Variants in RAP1GDS1 observed in about 807,000 individuals in gnomAD.
The protein encoded by RAP1GDS1 is RAP1, GTP-GDP dissociation stimulator 1.
In RAP1GDS1, 35 loss-of-function variants were observed where a neutral mutation model predicts 71.1. The ratio of observed to expected loss-of-function variants is 0.49; its 90% CI spans 0.38 to 0.65. The LOEUF is 0.65. Among genes scored for constraint, RAP1GDS1 ranks in the 30% least tolerant of loss-of-function variants. The pLI, the probability that RAP1GDS1 is intolerant of heterozygous loss-of-function variation, is 0.00. For missense variants in RAP1GDS1, 663 were observed against 706.1 expected, an observed-to-expected ratio of 0.94 and a Z score of 0.69; for synonymous variants, 229 against 243.1, an observed-to-expected ratio of 0.94 and a Z score of 0.54.
chr4:98,346,149 A>G (rs1736213208), intron 3 of RAP1GDS1, among the ~76,000 whole-genome samples: 1 of 152,190 alleles, frequency 6.6e-6, no homozygotes, highest in South Asian at 2.1e-4. Context: ...CTTGAGAACC[A>G]CGTTTCAGTA....
chr4:98,409,534 T>C (rs1578778161), intron 7 of RAP1GDS1: 2 of 164,348 alleles, frequency 1.2e-5, no homozygotes, highest in Non-Finnish European at 2.6e-5. Context: ...GCAAGATTGT[T>C]GCCAAAATAA....
chr4:98,327,176 G>A (rs1437518145), intron 2 of RAP1GDS1, among the ~76,000 whole-genome samples: 1 of 152,088 alleles, frequency 6.6e-6, no homozygotes, highest in East Asian at 1.9e-4. Flanking sequence ...AGTACAGTAA[G>A]CATATTGTTG....
chr4:98,376,256 A>G (rs1267144109), intron 4 of RAP1GDS1, among the ~76,000 whole-genome samples: 1 of 152,120 alleles, frequency 6.6e-6, no homozygotes, highest in Non-Finnish European at 1.5e-5. Context: ...AGGATGCTTC[A>G]TAGGTTAGCT....
intron 2 of RAP1GDS1, among the ~76,000 whole-genome samples, chr4:98,325,864 T>C (rs932026055): frequency 2.6e-5 from 4 of 151,066 alleles, no homozygotes; most frequent in African/African-American, 9.8e-5. Context: ...ATGGCACATG[T>C]ATACATATGT....
rs183834785 is a variant in RAP1GDS1 at position 98,332,843 on chromosome 4, C to T, written c.113-10296C>T. ...TATCAGTGTATTTTTAGTATCAAAG[C>T]TCAATCTTTAGAAAGACTTGTAAAT... On this transcript the variant is annotated intron_variant, in intron 2 of 14. Transcript: ENST00000408927. Among the ~76,000 whole-genome samples the T allele has an allele frequency of 8.5e-5, 13 of 152,280 alleles. No individual in the cohort carries two copies. The East Asian group carries it at 2.5e-3, about 29-fold the overall frequency.
chr4:98,309,247 A>G (rs1729843439), intron 2 of RAP1GDS1, among the ~76,000 whole-genome samples: 1 of 152,018 alleles, frequency 6.6e-6, no homozygotes. Context: ...AACACATTTA[A>G]CCGGAAAAAG....
intron 1 of RAP1GDS1, among the ~76,000 whole-genome samples, chr4:98,273,907 T>C (rs1723843041): frequency 6.6e-6 from 1 of 152,218 alleles, no homozygotes; most frequent in Non-Finnish European, 1.5e-5. Flanking sequence ...GATTTTGAAA[T>C]ATAGAAATTT....
At chr4:98,398,236 AAG>A (rs1491521701) in intron 6 of RAP1GDS1, among the ~76,000 whole-genome samples, 1 of 152,046 alleles carries the variant, frequency 6.6e-6, no homozygotes, top group African/African-American at 2.4e-5. Flanking sequence ...GGAAAAAAAA[AAG>A]GAGATAGAAA....
chr4:98,413,579 A>G (rs1287464897), intron 7 of RAP1GDS1, among the ~76,000 whole-genome samples: 27 of 151,498 alleles, frequency 1.8e-4, no homozygotes, highest in Admixed American at 1.2e-3. Flanking sequence ...ATAGTATTCC[A>G]TGGTGTATAT....
At chr4:98,377,854 G>A (rs1022656588) in intron 4 of RAP1GDS1, among the ~76,000 whole-genome samples, 1 of 151,850 alleles carries the variant, frequency 6.6e-6, no homozygotes, top group African/African-American at 2.4e-5. Context: ...ATAGTACAGT[G>A]TGGTAGCTAC....
At chr4:98,283,817 A>ATTTT (rs10582639) in intron 1 of RAP1GDS1, among the ~76,000 whole-genome samples, 16 of 133,954 alleles carry the variant, frequency 1.2e-4, no homozygotes, top group South Asian at 2.4e-4. Context: ...TTTCATTGTG[A>ATTTT]TTTTTTTTTT....
At chr4:98,352,393 T>G (rs957565376) in intron 3 of RAP1GDS1, 83 bp from the exon 4 acceptor site, 1 of 1,418,708 alleles carries the variant, frequency 7.0e-7, no homozygotes, top group African/African-American at 1.4e-5. Context: ...ATATTAAAAG[T>G]AGGTATTTAT....
intron 1 of RAP1GDS1, among the ~76,000 whole-genome samples, chr4:98,284,799 T>C (rs1182659807): frequency 5.9e-5 from 9 of 152,172 alleles, no homozygotes; most frequent in African/African-American, 2.2e-4. Flanking sequence ...GTCAGGAAGC[T>C]AAGCCTTGTA....
intron 2 of RAP1GDS1, among the ~76,000 whole-genome samples, chr4:98,311,838 T>C (rs942929059): frequency 1.3e-5 from 2 of 152,198 alleles, no homozygotes; most frequent in African/African-American, 2.4e-5. Flanking sequence ...GGGGTCTCAC[T>C]ATGTTGTCCA....
chr4:98,401,726 T>C (rs1274762513), intron 6 of RAP1GDS1, among the ~76,000 whole-genome samples: 2 of 152,188 alleles, frequency 1.3e-5, no homozygotes, highest in Non-Finnish European at 2.9e-5. Flanking sequence ...TGCTGTCTTT[T>C]CACTCTGTTC....
chr4:98,421,923 C>T (rs947616681), intron 12 of RAP1GDS1, among the ~76,000 whole-genome samples: 4 of 151,910 alleles, frequency 2.6e-5, no homozygotes, highest in African/African-American at 4.8e-5. Context: ...TCTTGTTGGG[C>T]GTGGTGGCTG....
In RAP1GDS1 at chr4:98,282,446, G is replaced by A. The variant is rs187599950; in HGVS notation, c.5-10962G>A. 5.6e-3 allele frequency among the ~76,000 whole-genome samples: 854 copies of A among 152,146 alleles called. 10 individuals carry two copies. The highest frequency in any genetic ancestry group is 0.019 in the African/African-American group (769 of 41,516). ...TGGTAGTTTATATTTCTGTGGGATC[G>A]GTGGTGATATCCTCTTTATCATTTT... is the stretch of plus-strand genomic sequence containing the variant. On this transcript the variant is annotated intron_variant, in intron 1 of 14. Transcript: ENST00000408927.
chr4:98,392,021 G>A lies in RAP1GDS1; in HGVS notation c.578G>A (p.Cys193Tyr). ...TTAGTGAAATTACTGGGCATCCACT[G>A]CCAAAATGCAGCTCTTACAGAAATG... is the stretch of plus-strand genomic sequence containing the variant. ...PTLVKLLGIH[C>Y]QNAALTEMCL... Residue 193 changes from cysteine to tyrosine, a missense_variant, in exon 6 of 15, where the codon TGC becomes TAC. Coordinates refer to ENST00000408927, the MANE Select transcript of RAP1GDS1 (RefSeq NM_001100427.2). The A allele has an allele frequency of 6.2e-7, 1 of 1,612,300 alleles. No individual in the cohort carries two copies. Among genetic ancestry groups the A allele is most frequent in the South Asian group, 1.1e-5 (1 of 90,942 alleles).
chr4:98,421,420 T>C (rs756224915), intron 12 of RAP1GDS1, 26 bp downstream of exon 12: 3 of 1,560,238 alleles, frequency 1.9e-6, no homozygotes, highest in East Asian at 4.5e-5. Context: ...AACTGTTCAC[T>C]AGAAAACTTC....
Sources: gnomAD v4.1 joint callset for allele counts (sites outside exome capture counted in the v4.1 genomes callset) on GRCh38, gnomAD v4.1.1 for gene constraint, MANE v1.5 for transcripts, NCBI Gene and HGNC (gene_info 2026-07-23, HGNC 2026-07-21) for gene names.